The following FARS2 variants were observed in gnomAD, a reference collection of about 807,000 sequenced individuals.
FARS2 encodes phenylalanine--tRNA ligase, mitochondrial.
A neutral mutation model predicts 46.4 loss-of-function variants in FARS2; 40 were observed. The observed-to-expected ratio is 0.86, with a 90% CI of 0.67 to 1.12. The LOEUF (loss-of-function observed/expected upper bound fraction) is 1.12. Among genes scored for constraint, FARS2 ranks in the 50% most tolerant of loss-of-function variants. The pLI, the probability that FARS2 is intolerant of heterozygous loss-of-function variation, is 0.00. For missense variants in FARS2, 513 were observed against 567.9 expected (o/e 0.90, Z 0.98); for synonymous variants, 234 against 214.9 (o/e 1.09, Z -0.78).
At chr6:5,534,307 G>A (rs1023112835) in intron 4 of FARS2, among the ~76,000 whole-genome samples, 7 of 152,150 alleles carry the variant, frequency 4.6e-5, no homozygotes, top group Non-Finnish European at 1.0e-4. Flanking sequence ...AGCCAGTTAA[G>A]CCATTTTAAG....
chr6:5,361,349 A>T (rs551776886), intron 1 of FARS2, among the ~76,000 whole-genome samples: 2 of 152,038 alleles, frequency 1.3e-5, no homozygotes, highest in Non-Finnish European at 2.9e-5. Flanking sequence ...TTTTTCTGTT[A>T]TAAATAATAC....
intron 6 of FARS2, among the ~76,000 whole-genome samples, chr6:5,705,361 C>T (rs1180140089): frequency 1.1e-4 from 16 of 152,188 alleles, no homozygotes; most frequent in Admixed American, 5.9e-4. Context: ...TAAGTGGCAG[C>T]GTGGAGGCCA....
intron 5 of FARS2, among the ~76,000 whole-genome samples, chr6:5,561,079 C>T (rs1451125534): frequency 2.6e-5 from 4 of 152,086 alleles, no homozygotes; most frequent in African/African-American, 7.2e-5. Flanking sequence ...TGCAGTGAGC[C>T]GAGATCATGC....
chr6:5,423,186 C>T (rs766443680), intron 3 of FARS2, among the ~76,000 whole-genome samples: 18 of 152,072 alleles, frequency 1.2e-4, no homozygotes, highest in South Asian at 1.0e-3. Flanking sequence ...AACAGGTTGA[C>T]GAGGAGGATC....
intron 6 of FARS2, among the ~76,000 whole-genome samples, chr6:5,756,520 G>A (rs551344124): frequency 6.6e-6 from 1 of 152,198 alleles, no homozygotes; most frequent in African/African-American, 2.4e-5. Flanking sequence ...GAGCGAGGGG[G>A]AAGCACTACA....
intron 6 of FARS2, among the ~76,000 whole-genome samples, chr6:5,639,694 T>C (rs1413680299): frequency 1.3e-5 from 2 of 152,012 alleles, no homozygotes; most frequent in Non-Finnish European, 2.9e-5. Context: ...CTAAGAACAG[T>C]GCCAAGCGAG....
intron 1 of FARS2, among the ~76,000 whole-genome samples, chr6:5,341,217 A>ATATATC (rs1771578720): frequency 1.7e-4 from 1 of 5,996 alleles, no homozygotes; most frequent in African/African-American, 5.2e-4. Context: ...ATATATATAT[A>ATATATC]TATATATATA....
chr6:5,674,194 A>T (rs1164262582), intron 6 of FARS2, among the ~76,000 whole-genome samples: 1 of 6,280 alleles, frequency 1.6e-4, no homozygotes, highest in African/African-American at 2.1e-4. Context: ...CATTCTCATT[A>T]AAAAAAAAAA....
intron 1 of FARS2, among the ~76,000 whole-genome samples, chr6:5,300,189 T>G (rs1159200655): frequency 6.6e-6 from 1 of 152,194 alleles, no homozygotes; most frequent in Non-Finnish European, 1.5e-5. Flanking sequence ...CAGAAAATGA[T>G]TGGATTACTC....
intron 5 of FARS2, among the ~76,000 whole-genome samples, chr6:5,574,662 G>A (rs754237715): frequency 6.6e-6 from 1 of 152,126 alleles, no homozygotes; most frequent in Admixed American, 6.5e-5. Flanking sequence ...TGAATACTGA[G>A]CTTTAGTTCC....
intron 4 of FARS2, among the ~76,000 whole-genome samples, chr6:5,469,148 C>T (rs1283753737): frequency 2.0e-5 from 3 of 152,194 alleles, no homozygotes; most frequent in Non-Finnish European, 4.4e-5. Context: ...CCACTTCCAG[C>T]GACTGTTTCT....
intron 2 of FARS2, among the ~76,000 whole-genome samples, chr6:5,374,008 A>G (rs1357633874): frequency 2.0e-5 from 3 of 151,854 alleles, no homozygotes; most frequent in Admixed American, 6.6e-5. Context: ...TATTTTTTAG[A>G]TGTGATAAAT....
upstream of FARS2, among the ~76,000 whole-genome samples, chr6:5,260,473 G>A (rs772856975): frequency 6.6e-6 from 1 of 152,236 alleles, no homozygotes; most frequent in Non-Finnish European, 1.5e-5. Context: ...CGAGGTCTCA[G>A]AGGCCACACC....
chr6:5,403,448 G>T (rs976364131), intron 2 of FARS2, among the ~76,000 whole-genome samples: 4 of 152,170 alleles, frequency 2.6e-5, no homozygotes, highest in African/African-American at 9.7e-5. Flanking sequence ...CAGGTTTTCA[G>T]TTGATAGGTT....
Position 5,546,379 on chromosome 6 carries a change from C to T in FARS2, c.1065+1039C>T, listed in dbSNP as rs545266762. ...AATTCTCCTGCCTCAGCCTCCTGAG[C>T]AGCTGGGATTACAGGCGCCCACCAC... On this transcript the variant is annotated intron_variant, in intron 5 of 6. Transcript: ENST00000274680. Among the ~76,000 whole-genome samples, 112 of 150,930 alleles carry T rather than the reference C, an allele frequency of 7.4e-4. 1 individual carries two copies. The highest frequency in any genetic ancestry group is 1.8e-3 in the African/African-American group (74 of 41,078).
chr6:5,657,619 T>G (rs1222883529), intron 6 of FARS2, among the ~76,000 whole-genome samples: 2 of 152,066 alleles, frequency 1.3e-5, no homozygotes, highest in Non-Finnish European at 2.9e-5. Flanking sequence ...TTCAGAGGGG[T>G]CTTGGTTTAT....
intron 4 of FARS2, among the ~76,000 whole-genome samples, chr6:5,481,412 G>A (rs1766449629): frequency 6.6e-6 from 1 of 152,210 alleles, no homozygotes; most frequent in East Asian, 1.9e-4. Context: ...ATTGCAAGCT[G>A]TCCATTGGAC....
chr6:5,732,267 G>C (rs1039453258), intron 6 of FARS2, among the ~76,000 whole-genome samples: 2 of 152,200 alleles, frequency 1.3e-5, no homozygotes, highest in Non-Finnish European at 2.9e-5. Context: ...TCATGATTGA[G>C]AGAGGTACGT....
intron 2 of FARS2, among the ~76,000 whole-genome samples, chr6:5,383,321 G>T (rs1434604529): frequency 6.6e-6 from 1 of 152,180 alleles, no homozygotes; most frequent in Non-Finnish European, 1.5e-5. Flanking sequence ...TACCCTTTAG[G>T]ACTGAATAAA....
Sources: allele counts gnomAD v4.1 joint callset (sites outside exome capture counted in the v4.1 genomes callset), GRCh38; gene constraint gnomAD v4.1.1; transcripts MANE v1.5; gene names NCBI Gene and HGNC (gene_info 2026-07-23, HGNC 2026-07-21).